Variants in KIF25 observed in about 807,000 individuals in gnomAD.
The protein encoded by KIF25 is kinesin-like protein KIF25.
A neutral mutation model predicts 32.9 loss-of-function variants in KIF25; 19 were observed. That is an observed-to-expected ratio of 0.58 (90% confidence interval 0.40 to 0.85). The LOEUF is 0.85. Ranked by LOEUF, KIF25 falls within the 40% of genes least tolerant of loss-of-function variation. The pLI is 0.00. For synonymous variants in KIF25, 225 were observed against 213.7 expected, an observed-to-expected ratio of 1.05 and a Z score of -0.46; for missense variants, 485 against 507.0, an observed-to-expected ratio of 0.96 and a Z score of 0.42.
intron 5 of KIF25, among the ~76,000 whole-genome samples, chr6:168,022,768 G>GTTT (rs61060025): frequency 1.4e-4 from 17 of 121,608 alleles, no homozygotes; most frequent in Non-Finnish European, 1.8e-4. Context: ...TGTTGTTGTT[G>GTTT]TTTTTTTTTT....
chr6:168,032,398 A>AAATGG (rs1366672224), intron 7 of KIF25, among the ~76,000 whole-genome samples: 1 of 152,262 alleles, frequency 6.6e-6, no homozygotes, highest in African/African-American at 2.4e-5. Flanking sequence ...CCACACAAAG[A>AAATGG]AATGCATGTA....
intron 5 of KIF25, among the ~76,000 whole-genome samples, chr6:168,024,233 C>G (rs1798826893): frequency 6.6e-6 from 1 of 152,162 alleles, no homozygotes; most frequent in African/African-American, 2.4e-5. Flanking sequence ...TTTATGAGCA[C>G]TTTGGAGTAA....
chr6:168,006,772 G>GT (rs56942069), intron 4 of KIF25, among the ~76,000 whole-genome samples: 4 of 152,066 alleles, frequency 2.6e-5, no homozygotes, highest in African/African-American at 9.7e-5. Context: ...ATTACCATAT[G>GT]CGGTTCTACA....
intron 5 of KIF25, 104 bp from the exon 6 acceptor site, chr6:168,029,388 A>G: frequency 1.3e-6 from 1 of 765,314 alleles, no homozygotes; most frequent in Non-Finnish European, 2.0e-6. Context: ...CAATTAAGGA[A>G]ATGCGAACAC....
intron 5 of KIF25, among the ~76,000 whole-genome samples, chr6:168,023,966 C>T (rs1798823502): frequency 6.6e-6 from 1 of 151,946 alleles, no homozygotes; most frequent in Non-Finnish European, 1.5e-5. Context: ...TATCTAAAAC[C>T]AAATAACTTG....
chr6:168,038,808 C>A, intron 9 of KIF25, 79 bp downstream of exon 9: 1 of 1,455,812 alleles, frequency 6.9e-7, no homozygotes. Flanking sequence ...CAGGAGGCTG[C>A]ACGTCTCTAA....
chr6:168,014,188 C>T (rs925499310), intron 4 of KIF25, among the ~76,000 whole-genome samples: 7 of 152,108 alleles, frequency 4.6e-5, no homozygotes, highest in Admixed American at 2.6e-4. Context: ...TGCCTTTCTA[C>T]GCTTCCCTGT....
chr6:168,041,891 G>A (rs1226892479), intron 10 of KIF25, 78 bp from the exon 11 acceptor site: 17 of 1,427,306 alleles, frequency 1.2e-5, no homozygotes, highest in African/African-American at 8.5e-5. Flanking sequence ...GAAGCTTCTC[G>A]GCTCTGACTG....
intron 6 of KIF25, among the ~76,000 whole-genome samples, chr6:168,030,311 A>G (rs1369260946): frequency 1.3e-5 from 2 of 152,186 alleles, no homozygotes; most frequent in Non-Finnish European, 2.9e-5. Context: ...AATGTTATAT[A>G]TCAAATATTG....
chr6:168,018,193 C>T (rs1184064340), intron 5 of KIF25, among the ~76,000 whole-genome samples, 153 bp downstream of exon 5: 3 of 152,122 alleles, frequency 2.0e-5, no homozygotes, highest in African/African-American at 4.8e-5. Context: ...GATTTTTCAA[C>T]TTTAGGAAGG....
chr6:168,011,154 T>C (rs1798642408), intron 4 of KIF25, among the ~76,000 whole-genome samples: 1 of 152,236 alleles, frequency 6.6e-6, no homozygotes, highest in Middle Eastern at 3.4e-3. Context: ...GTCATTTTAT[T>C]GACTGCTTTT....
intron 8 of KIF25, among the ~76,000 whole-genome samples, chr6:168,038,256 G>T (rs55837309): frequency 0.024 from 3,586 of 152,296 alleles, 161 homozygotes; most frequent in African/African-American, 0.082. Flanking sequence ...CACAGCCATG[G>T]GATAGTCAGG....
At chr6:168,018,593 A>G (rs1326030617) in intron 5 of KIF25, among the ~76,000 whole-genome samples, 1 of 152,230 alleles carries the variant, frequency 6.6e-6, no homozygotes, top group Non-Finnish European at 1.5e-5. Context: ...TTGTGATGAT[A>G]GCAACTAACA....
chr6:168,018,874 T>C lies in KIF25; in HGVS notation c.-95+834T>C, dbSNP rs578226629. Among the ~76,000 whole-genome samples the C allele has an allele frequency of 2.0e-5, 3 of 152,196 alleles. No homozygotes were observed. The South Asian group carries it at 6.2e-4, about 32-fold the overall frequency. On this transcript the variant is annotated intron_variant, in intron 5 of 12. Transcript: ENST00000643607. ...GTCACATCTGGAGAAGGGCAGAGGG[T>C]TCCCCTCAAGCCTCCGCTGAGCACT...
At chr6:168,001,424 G>A (rs112049388) in intron 2 of KIF25, among the ~76,000 whole-genome samples, 1,954 of 152,340 alleles carry the variant, frequency 0.013, 15 homozygotes, top group Non-Finnish European at 0.019. Context: ...ACTTCCAGAC[G>A]GCTTTTGTTA....
intron 11 of KIF25, 59 bp downstream of exon 11, chr6:168,042,210 G>A: frequency 1.4e-6 from 2 of 1,480,352 alleles, no homozygotes; most frequent in Non-Finnish European, 1.8e-6. Flanking sequence ...ATGATCTGAT[G>A]GAGCTGGATG....
At chr6:168,036,270 C>T (rs187082623) in intron 8 of KIF25, 2,795 of 153,942 alleles carry the variant, frequency 0.018, 93 homozygotes, top group African/African-American at 0.064. Flanking sequence ...CCACCTGCTA[C>T]ACACTGTCAG....
chr6:168,042,484 C>G, intron 11 of KIF25, 77 bp from the exon 12 acceptor site: 5 of 1,549,150 alleles, frequency 3.2e-6, no homozygotes, highest in Non-Finnish European at 3.5e-6. Context: ...AGAGCCGCTC[C>G]TCCCAAGGAG....
At chr6:168,011,660 C>G (rs1328756464) in intron 4 of KIF25, among the ~76,000 whole-genome samples, 2 of 152,176 alleles carry the variant, frequency 1.3e-5, no homozygotes, top group Non-Finnish European at 2.9e-5. Context: ...CTACAATGTG[C>G]CTTGGAGAGG....
Sources: gnomAD v4.1 joint callset for allele counts (sites outside exome capture counted in the v4.1 genomes callset) on GRCh38, gnomAD v4.1.1 for gene constraint, MANE v1.5 for transcripts, NCBI Gene and HGNC (gene_info 2026-07-23, HGNC 2026-07-21) for gene names.